Variants in GVQW3 observed in about 807,000 individuals in gnomAD.
The protein encoded by GVQW3 is protein GVQW3.
GVQW3 carries 7 observed loss-of-function variants against 12.5 expected under a neutral mutation model. The observed-to-expected ratio is 0.56, with a 90% CI of 0.32 to 1.05. The LOEUF (loss-of-function observed/expected upper bound fraction) is 1.05, where lower values mean the gene tolerates loss of function less well. GVQW3 is among the 50% of genes least tolerant of loss of function. The pLI is 0.04. For missense variants in GVQW3, 188 were observed against 190.8 expected, an observed-to-expected ratio of 0.99 and a Z score of 0.09; for synonymous variants, 71 against 67.2, an observed-to-expected ratio of 1.06 and a Z score of -0.28.
intron 1 of GVQW3, among the ~76,000 whole-genome samples, chr11:76,389,059 C>T (rs1178652359): frequency 6.6e-6 from 1 of 152,204 alleles, no homozygotes; most frequent in Non-Finnish European, 1.5e-5. Context: ...GCTTGACAAT[C>T]TTAAAGTCCA....
chr11:76,401,830 G>A (rs1448750536), intron 1 of GVQW3, among the ~76,000 whole-genome samples: 5 of 151,810 alleles, frequency 3.3e-5, no homozygotes, highest in Non-Finnish European at 5.9e-5. Context: ...ATCTCAATGG[G>A]TGCCTGCATC....
intron 1 of GVQW3, chr11:76,382,791 A>T (rs1946791546): frequency 4.5e-6 from 1 of 222,714 alleles, no homozygotes. Flanking sequence ...CAGTGAGAAG[A>T]GAGGAACAGG....
exon 2 of GVQW3, chr11:76,414,558 T>C (rs1170246607): frequency 1.3e-5 from 2 of 151,184 alleles, no homozygotes; most frequent in Middle Eastern, 3.2e-3. Context: ...GATCCACTTA[T>C]CTTTGCCTCA....
At chr11:76,392,759 G>A (rs897113428) in intron 1 of GVQW3, 3 of 152,288 alleles carry the variant, frequency 2.0e-5, no homozygotes, top group South Asian at 4.1e-4. Context: ...CCAGAGGTGC[G>A]TATTCATAAG....
chr11:76,387,047 C>T (rs183360063), intron 1 of GVQW3, among the ~76,000 whole-genome samples: 9 of 152,278 alleles, frequency 5.9e-5, no homozygotes, highest in Admixed American at 5.9e-4. Context: ...ATGAGCACAG[C>T]TGTGTTCCAA....
rs1417838441 is a variant in GVQW3 at position 76,403,662 on chromosome 11, A to T, written c.468A>T (p.Arg156Ser). ...RKNSSCLRKK[R>S]RNLTMLPRLV... The stretch of plus-strand genomic sequence containing the variant: ...TTTTTTATTTTTATTTTTTGTAGAG[A>T]CGGAACCTCACTATGTTGCCCAGGC... Residue 156 changes from arginine to serine, a missense_variant and splice_region_variant, in exon 2 of 2, where the codon AGA becomes AGT. By Grantham distance (110) the Arg-to-Ser change is moderately radical. Transcript: ENST00000529331. The T allele has an allele frequency of 2.2e-6, 1 of 447,092 alleles. No homozygotes were observed. Among genetic ancestry groups the T allele is most frequent in the Non-Finnish European group, 4.0e-6 (1 of 252,330 alleles). The allele number at this position is 447,092 out of a possible 1,614,324, so 27.7% of individuals were successfully genotyped here. A position where few individuals can be genotyped will look rare whatever the true frequency, so the allele number is the denominator to read the frequency against.
chr11:76,387,499 C>T (rs1013794493), intron 1 of GVQW3, among the ~76,000 whole-genome samples: 11 of 152,082 alleles, frequency 7.2e-5, no homozygotes, highest in Admixed American at 5.2e-4. Flanking sequence ...TTTGGCCCAT[C>T]GGCTATAGTT....
At chr11:76,385,676 G>C (rs529228931) in intron 1 of GVQW3, among the ~76,000 whole-genome samples, 4 of 152,026 alleles carry the variant, frequency 2.6e-5, no homozygotes, top group Admixed American at 6.6e-5. Flanking sequence ...TCAGCTCCCC[G>C]CTTCAGCTGC....
In GVQW3 at chr11:76,381,882, G is replaced by T; in HGVS notation, c.54G>T (p.Leu18Phe). The T allele has an allele frequency of 6.5e-7, 1 of 1,536,148 alleles. No individual in the cohort carries two copies. The highest frequency in any genetic ancestry group is 1.2e-5 in the South Asian group (1 of 83,966). The change falls in exon 1 of 2, where the codon TTG (leucine) becomes TTT (phenylalanine). Residue 18 changes from leucine (L) to phenylalanine (F), a missense_variant. Transcript: ENST00000529331. ...QRISIKFCVK[L>F]NKSASETHHL... ...TTAGTATCAAATTTTGCGTGAAATTGAACAAGTCTGCAAGTGAGACCCACC... is the reference window on the plus strand; with the variant it reads ...TTAGTATCAAATTTTGCGTGAAATTTAACAAGTCTGCAAGTGAGACCCACC...
rs577368068 is a variant in GVQW3 at position 76,402,178 on chromosome 11, C to T, written c.466-1482C>T. ...GTGTGTTGCCTAGGCACTGGCTGTA[C>T]CCTGTCCTGCCTTTGAGCTCCCTTT... On this transcript the variant is annotated intron_variant, in intron 1 of 1. Coordinates refer to ENST00000529331, the MANE Select transcript of GVQW3 (RefSeq NM_001347885.2). Among the ~76,000 whole-genome samples, 7 of 152,316 alleles carry T rather than the reference C, an allele frequency of 4.6e-5. No homozygotes were observed. The South Asian group carries it at 1.5e-3, about 32-fold the overall frequency.
At chr11:76,410,589 C>T (rs973116243), downstream of GVQW3, among the ~76,000 whole-genome samples, 14 of 152,192 alleles carry the variant, frequency 9.2e-5, no homozygotes, top group Non-Finnish European at 1.2e-4. Context: ...GAATCAGTCT[C>T]TGATAACAGT....
Position 76,407,576 on chromosome 11 carries a change from C to CAAAAA in GVQW3, c.*3841_*3845dup, listed in dbSNP as rs36229661. Reference sequence around the variant, plus strand: ...TGGGCGGCAGAGCAAGACTCCCTCTCAAAAAAAAAAAAAAAAAAAAAAAAA... The same window carrying CAAAAA: ...TGGGCGGCAGAGCAAGACTCCCTCTCAAAAAAAAAAAAAAAAAAAAAAAAAAAAAA... On this transcript the variant is annotated 3_prime_UTR_variant, in exon 2 of 2. Coordinates refer to ENST00000529331, the MANE Select transcript of GVQW3 (RefSeq NM_001347885.2). 6.8e-5 allele frequency: 6 copies of CAAAAA among 88,554 alleles called. No individual in the cohort carries two copies. Among genetic ancestry groups the CAAAAA allele is most frequent in the East Asian group, 3.1e-4 (1 of 3,270 alleles). The allele number at this position is 88,554 out of a possible 1,614,324, so 5.5% of individuals were successfully genotyped here.
At chr11:76,387,804 T>A (rs1288485784) in intron 1 of GVQW3, among the ~76,000 whole-genome samples, 2 of 152,138 alleles carry the variant, frequency 1.3e-5, no homozygotes, top group African/African-American at 4.8e-5. Context: ...GTGGCTGTAG[T>A]CCCAGCTACT....
At chr11:76,398,134 CAAA>C (rs58006104) in intron 1 of GVQW3, among the ~76,000 whole-genome samples, 1 of 108,078 alleles carries the variant, frequency 9.3e-6, no homozygotes, top group Non-Finnish European at 2.0e-5. Flanking sequence ...GACTGTGTCT[CAAA>C]AAAAAAAAAA....
At chr11:76,390,563 C>T (rs1946881564) in intron 1 of GVQW3, among the ~76,000 whole-genome samples, 2 of 152,174 alleles carry the variant, frequency 1.3e-5, no homozygotes, top group South Asian at 4.1e-4. Context: ...AGGCTGGGCA[C>T]GGTGGCTCAC....
At chr11:76,408,191 A>G (rs1461250081), downstream of GVQW3, 1 of 152,188 alleles carries the variant, frequency 6.6e-6, no homozygotes, top group African/African-American at 2.4e-5. Flanking sequence ...GGTTTAGTGG[A>G]GGAAATGAGA....
At chr11:76,393,633 G>T (rs1010572916) in intron 1 of GVQW3, among the ~76,000 whole-genome samples, 2 of 151,628 alleles carry the variant, frequency 1.3e-5, no homozygotes, top group Non-Finnish European at 2.9e-5. Flanking sequence ...CACCATTGCT[G>T]TTCTCCCCCA....
chr11:76,398,835 T>A (rs1207272026), intron 1 of GVQW3, among the ~76,000 whole-genome samples: 2 of 152,228 alleles, frequency 1.3e-5, no homozygotes, highest in African/African-American at 4.8e-5. Flanking sequence ...TGAGGTAAAC[T>A]AACTGTCTTT....
At chr11:76,390,562 A>G (rs558404107) in intron 1 of GVQW3, among the ~76,000 whole-genome samples, 15 of 152,332 alleles carry the variant, frequency 9.8e-5, no homozygotes, top group African/African-American at 3.1e-4. Context: ...TAGGCTGGGC[A>G]CGGTGGCTCA....
Sources: gnomAD v4.1 joint callset for allele counts (sites outside exome capture counted in the v4.1 genomes callset) on GRCh38, gnomAD v4.1.1 for gene constraint, MANE v1.5 for transcripts, NCBI Gene and HGNC (gene_info 2026-07-23, HGNC 2026-07-21) for gene names.